Variants in DOCK9 observed in about 807,000 individuals in gnomAD.
The protein encoded by DOCK9 is dedicator of cytokinesis 9.
Under a neutral mutation model 263.3 loss-of-function variants are expected in DOCK9, and 89 were observed. That is an observed-to-expected ratio of 0.34 (90% CI 0.28 to 0.40). The LOEUF (loss-of-function observed/expected upper bound fraction) is 0.40, where lower values mean the gene tolerates loss of function less well. Ranked by LOEUF, DOCK9 falls within the 10% of genes least tolerant of loss-of-function variation. DOCK9 has a pLI of 1.00. For synonymous variants in DOCK9, 976 were observed against 973.1 expected (o/e 1.00, Z -0.06); for missense variants, 2,140 against 2,603.4 (o/e 0.82, Z 3.87).
chr13:98,866,444 G>A (rs1373828878), intron 30 of DOCK9, among the ~76,000 whole-genome samples: 2 of 152,130 alleles, frequency 1.3e-5, no homozygotes, highest in Non-Finnish European at 2.9e-5. Context: ...TGTTTCTCTC[G>A]GAATTCAGAA....
At chr13:98,920,812 G>T in intron 7 of DOCK9, 142 bp downstream of exon 7, 1 of 824,464 alleles carries the variant, frequency 1.2e-6, no homozygotes, top group Non-Finnish European at 1.8e-6. Flanking sequence ...TGAAAAACAA[G>T]GCTTGCCTCA....
At chr13:99,072,410 G>C (rs2041720631) in intron 1 of DOCK9, among the ~76,000 whole-genome samples, 1 of 152,128 alleles carries the variant, frequency 6.6e-6, no homozygotes, top group African/African-American at 2.4e-5. Context: ...TGGGTGGCCA[G>C]GAGCATTGTA....
rs553225875 is a variant in DOCK9, at chr13:98,962,389, C to G, written c.127-6838G>C. 5.2e-4 allele frequency among the ~76,000 whole-genome samples: 79 copies of G among 152,240 alleles called. 1 individual carries two copies. The highest frequency in any genetic ancestry group is 1.2e-3 in the South Asian group (6 of 4,818). On this transcript the variant is annotated intron_variant, in intron 1 of 52. Transcript: ENST00000682017. ...GTTGAATTATTTTTCTTAAAGAAAG[C>G]CCCTAAAATTCTGTAAGCTTTGTCC...
intron 27 of DOCK9, among the ~76,000 whole-genome samples, chr13:98,879,276 G>C (rs1269507111): frequency 2.0e-5 from 3 of 152,126 alleles, no homozygotes; most frequent in Non-Finnish European, 4.4e-5. Context: ...GGGGAAGCAG[G>C]GGGGACCCAC....
rs1280655632 is a variant in DOCK9, at chr13:98,831,421, T to C, written c.4562A>G (p.Gln1521Arg). 1 of 1,602,978 alleles carries C rather than the reference T, an allele frequency of 6.2e-7. No homozygotes were observed. Among genetic ancestry groups the C allele is most frequent in the Non-Finnish European group, 8.5e-7 (1 of 1,174,476 alleles). The change falls in exon 41 of 53, where the codon CAG becomes CGG. Residue 1521 changes from glutamine (Q) to arginine (R), a missense_variant. Gln to Arg is a conservative substitution (Grantham distance 43). Around this residue, in one of 2 missense-constraint regions of DOCK9, gnomAD observed 619 missense variants for 861.8 expected, o/e 0.72. Coordinates refer to ENST00000682017, the MANE Select transcript of DOCK9 (RefSeq NM_001366683.2). ...KLSSIRTEASQLLYFLMRNNF... is the reference protein window; with the variant it reads ...KLSSIRTEASRLLYFLMRNNF... ...GTTCCTCATCAGGAAGTAGAGCAGC[T>C]GGGAGGCCTCCGTCCTGATGGAGCT...
intron 1 of DOCK9, among the ~76,000 whole-genome samples, chr13:99,029,514 A>T (rs1416018621): frequency 2.0e-5 from 3 of 152,228 alleles, no homozygotes; most frequent in Admixed American, 2.0e-4. Context: ...ATTAGGTTAT[A>T]AACAATTTTT....
chr13:98,887,843 C>T lies in DOCK9; in HGVS notation c.2043+315G>A, dbSNP rs994664577. Among the ~76,000 whole-genome samples, 6 of 151,958 alleles carry T rather than the reference C, an allele frequency of 3.9e-5. 1 individual carries two copies. The highest frequency in any genetic ancestry group is 1.5e-4 in the African/African-American group (6 of 41,372). On this transcript the variant is annotated intron_variant, in intron 18 of 52. Coordinates refer to ENST00000682017, the MANE Select transcript of DOCK9 (RefSeq NM_001366683.2). ...TATTATTTCTATGATCAACATTATT[C>T]ATATCCTAATTCTTAGCACCCACAG...
intron 1 of DOCK9, among the ~76,000 whole-genome samples, chr13:99,052,043 C>T (rs1455358265): frequency 6.6e-6 from 1 of 152,166 alleles, no homozygotes; most frequent in Non-Finnish European, 1.5e-5. Flanking sequence ...AAGTACCATT[C>T]CTGTTTAAAG....
chr13:98,830,246 C>T (rs1403138377), intron 41 of DOCK9, among the ~76,000 whole-genome samples: 1 of 152,198 alleles, frequency 6.6e-6, no homozygotes, highest in Non-Finnish European at 1.5e-5. Context: ...TACCCAGTTG[C>T]TTGAGCTAAA....
At chr13:98,861,211 AG>A (rs1261945455) in intron 32 of DOCK9, among the ~76,000 whole-genome samples, 8 of 152,208 alleles carry the variant, frequency 5.3e-5, no homozygotes, top group African/African-American at 1.7e-4. Flanking sequence ...CATGCCCTTT[AG>A]AGCAGCCACA....
chr13:98,923,797 C>T (rs964492426), intron 4 of DOCK9, among the ~76,000 whole-genome samples: 43 of 152,308 alleles, frequency 2.8e-4, no homozygotes, highest in African/African-American at 9.6e-4. Context: ...CTTACATTTA[C>T]TCAATGGGTA....
At chr13:98,973,847 T>G (rs187064886) in intron 1 of DOCK9, among the ~76,000 whole-genome samples, 1 of 152,180 alleles carries the variant, frequency 6.6e-6, no homozygotes, top group African/African-American at 2.4e-5. Context: ...ATGCCCACCT[T>G]GGCCTCCTAA....
chr13:98,935,636 C>T (rs1320458322), intron 2 of DOCK9, among the ~76,000 whole-genome samples: 4 of 152,220 alleles, frequency 2.6e-5, no homozygotes, highest in East Asian at 1.9e-4. Context: ...AGCGTGATGG[C>T]GCACGCCTGT....
chr13:98,922,173 T>TC, intron 5 of DOCK9, 27 bp from the exon 6 acceptor site: 4 of 1,529,928 alleles, frequency 2.6e-6, no homozygotes, highest in Non-Finnish European at 3.6e-6. Flanking sequence ...ACACCAGCAG[T>TC]CAACCTCCCG....
At chr13:99,053,373 A>G (rs1292803341) in intron 1 of DOCK9, among the ~76,000 whole-genome samples, 2 of 152,254 alleles carry the variant, frequency 1.3e-5, no homozygotes, top group African/African-American at 4.8e-5. Context: ...GTTTTGTGGC[A>G]GAAGGAAAAA....
intron 1 of DOCK9, among the ~76,000 whole-genome samples, chr13:99,072,901 A>T (rs2041743418): frequency 6.6e-6 from 1 of 152,178 alleles, no homozygotes; most frequent in Non-Finnish European, 1.5e-5. Flanking sequence ...GCAAGGCTGA[A>T]GATGGGAGGA....
intron 15 of DOCK9, 123 bp from the exon 16 acceptor site, chr13:98,888,834 G>T: frequency 1.3e-6 from 1 of 792,416 alleles, no homozygotes. Context: ...CATTCTAGTA[G>T]CCTCATGAAA....
At chr13:98,935,557 T>G (rs1045805844) in intron 2 of DOCK9, among the ~76,000 whole-genome samples, 1 of 152,108 alleles carries the variant, frequency 6.6e-6, no homozygotes, top group African/African-American at 2.4e-5. Flanking sequence ...TCACTTGAGA[T>G]CAGGAGTTCA....
chr13:99,055,300 A>G (rs1349178311), intron 1 of DOCK9, among the ~76,000 whole-genome samples: 1 of 152,346 alleles, frequency 6.6e-6, no homozygotes, highest in East Asian at 1.9e-4. Flanking sequence ...TTAGCACTAA[A>G]GGAACTTTCT....
Sources: allele counts gnomAD v4.1 joint callset (sites outside exome capture counted in the v4.1 genomes callset), GRCh38; gene constraint gnomAD v4.1.1; regional missense constraint gnomAD v4.1.1; transcripts MANE v1.5; gene names NCBI Gene and HGNC (gene_info 2026-07-23, HGNC 2026-07-21).